The following NCAPG2 variants were observed in gnomAD, a reference collection of about 807,000 sequenced individuals.
The protein encoded by NCAPG2 is condensin-2 complex subunit G2.
In NCAPG2, 53 loss-of-function variants were observed where a neutral mutation model predicts 141.1. The observed-to-expected ratio is 0.38, with a 90% CI of 0.30 to 0.47. The LOEUF (loss-of-function observed/expected upper bound fraction) is 0.47. NCAPG2 is among the 20% of genes least tolerant of loss of function. The pLI, the probability that NCAPG2 is intolerant of heterozygous loss-of-function variation, is 0.99. For missense variants in NCAPG2, 1,087 were observed against 1,389.0 expected, an observed-to-expected ratio of 0.78 and a Z score of 3.46; for synonymous variants, 499 against 490.7, an observed-to-expected ratio of 1.02 and a Z score of -0.22.
At chr7:158,700,394 A>G (rs1835707519) in intron 2 of NCAPG2, among the ~76,000 whole-genome samples, 2 of 152,216 alleles carry the variant, frequency 1.3e-5, no homozygotes. Context: ...TGTGGCCACC[A>G]GTGTGATTTT....
At chr7:158,657,883 T>C (rs1375551599) in intron 17 of NCAPG2, among the ~76,000 whole-genome samples, 1 of 152,076 alleles carries the variant, frequency 6.6e-6, no homozygotes, top group African/African-American at 2.4e-5. Flanking sequence ...AAACATGTGC[T>C]GTGTCCACTC....
Position 158,662,329 on chromosome 7 carries a change from G to A in NCAPG2, c.1854C>T (p.Cys618=), listed in dbSNP as rs1832573614. The change falls in exon 16 of 28, where the codon TGC becomes TGT. Residue 618 remains cysteine, a synonymous_variant. Coordinates refer to ENST00000356309, the MANE Select transcript of NCAPG2 (RefSeq NM_017760.7). ...CAATGATTTCTAGTAAACCTGCCAT[G>A]CATGCAACATCGTTTACTGACAGTG... ...DKTLSVNDVA[C]MAGLLEIIVI... is the part of the protein sequence containing the mutation. 1 of 1,601,500 alleles carries A rather than the reference G, an allele frequency of 6.2e-7. No homozygotes were observed. Among genetic ancestry groups the A allele is most frequent in the African/African-American group, 1.3e-5 (1 of 74,512 alleles).
chr7:158,670,756 TG>T (rs1446724984), intron 13 of NCAPG2, among the ~76,000 whole-genome samples: 3 of 152,180 alleles, frequency 2.0e-5, no homozygotes, highest in Non-Finnish European at 4.4e-5. Context: ...AGTTCCTCCT[TG>T]TTCTTTTCAT....
At chr7:158,694,004 T>C (rs1835284846) in intron 2 of NCAPG2, among the ~76,000 whole-genome samples, 1 of 152,180 alleles carries the variant, frequency 6.6e-6, no homozygotes, top group South Asian at 2.1e-4. Context: ...GCGGCCCTCA[T>C]CAAAAGGGCA....
intron 24 of NCAPG2, among the ~76,000 whole-genome samples, chr7:158,647,142 A>G (rs1831083817): frequency 6.6e-6 from 1 of 152,214 alleles, no homozygotes; most frequent in African/African-American, 2.4e-5. Flanking sequence ...TCTTGTTATC[A>G]TCTACTGTAA....
intron 26 of NCAPG2, among the ~76,000 whole-genome samples, chr7:158,644,883 G>A (rs1046357723): frequency 2.0e-5 from 3 of 152,094 alleles, no homozygotes; most frequent in African/African-American, 4.8e-5. Flanking sequence ...AGGCTTACAG[G>A]GAGAGTTTGT....
At position 158,641,436 on chromosome 7, in the gene NCAPG2, C is replaced by T. The variant is rs1830638212; in HGVS notation, c.3380+2853G>A. ...CACATATAGATAGAAATTACATTAG[C>T]TGGGTCTGGTGGTGTGTGCCTGCAG... On this transcript the variant is annotated intron_variant, in intron 27 of 27. Coordinates refer to ENST00000356309, the MANE Select transcript of NCAPG2 (RefSeq NM_017760.7). 9 of 576,026 alleles carry T rather than the reference C, an allele frequency of 1.6e-5. 1 individual carries two copies. Among genetic ancestry groups the T allele is most frequent in the East Asian group, 3.1e-5 (1 of 32,458 alleles). 35.7% of individuals were successfully genotyped at this position (576,026 alleles called of 1,614,324 possible).
intron 13 of NCAPG2, among the ~76,000 whole-genome samples, chr7:158,668,808 G>T (rs1458037025): frequency 6.6e-6 from 1 of 152,142 alleles, no homozygotes; most frequent in Non-Finnish European, 1.5e-5. Flanking sequence ...GGATGTGCAG[G>T]TTTGTTAAAT....
intron 6 of NCAPG2, among the ~76,000 whole-genome samples, chr7:158,688,506 C>T (rs576268989): frequency 6.6e-6 from 1 of 152,324 alleles, no homozygotes; most frequent in South Asian, 2.1e-4. Context: ...TCAGAACAAT[C>T]CTGGAGACAT....
At chr7:158,651,648 C>T (rs981448036) in intron 23 of NCAPG2, among the ~76,000 whole-genome samples, 1 of 152,134 alleles carries the variant, frequency 6.6e-6, no homozygotes, top group Admixed American at 6.5e-5. Flanking sequence ...ACTGACATGA[C>T]ATTGTTTTTA....
intron 27 of NCAPG2, among the ~76,000 whole-genome samples, chr7:158,639,388 G>A (rs1830490692): frequency 6.6e-6 from 1 of 152,120 alleles, no homozygotes; most frequent in South Asian, 2.1e-4. Flanking sequence ...GATTACAGCT[G>A]TAAGCCACCG....
At chr7:158,698,344 C>A (rs1835582452) in intron 2 of NCAPG2, among the ~76,000 whole-genome samples, 1 of 152,202 alleles carries the variant, frequency 6.6e-6, no homozygotes, top group Admixed American at 6.5e-5. Context: ...CACATTTACT[C>A]ACTACTCAGT....
intron 13 of NCAPG2, among the ~76,000 whole-genome samples, chr7:158,665,643 G>A (rs924246105): frequency 6.6e-6 from 1 of 152,060 alleles, no homozygotes; most frequent in African/African-American, 2.4e-5. Flanking sequence ...CTCAACCTGA[G>A]GTTCCCATCT....
In NCAPG2 at chr7:158,680,067, G is replaced by A. The variant is rs1465445654; in HGVS notation, c.1039C>T (p.Arg347Ter). Reference protein sequence around the residue: ...RGLKARNSEVRSNAALLFVEA... With the variant: ...RGLKARNSEV ...ACAAACAACAATGCAGCATTTGATC[G>A]AACTTCAGAGTTTCTGGCCTATAAT... The change falls in exon 11 of 28, where the codon CGA (arginine) becomes TGA (stop). Residue 347 changes from arginine (R) to a stop codon, truncating the protein, a stop_gained. Coordinates refer to ENST00000356309, the MANE Select transcript of NCAPG2 (RefSeq NM_017760.7). LOFTEE classifies it high-confidence loss of function. 2.5e-6 allele frequency: 4 copies of A among 1,613,568 alleles called. No homozygotes were observed. Among genetic ancestry groups the A allele is most frequent in the African/African-American group, 1.3e-5 (1 of 74,902 alleles).
intron 27 of NCAPG2, among the ~76,000 whole-genome samples, chr7:158,636,497 G>A (rs1830210689): frequency 6.6e-6 from 1 of 151,446 alleles, no homozygotes; most frequent in African/African-American, 2.4e-5. Flanking sequence ...TGCCTTCCGG[G>A]TTCAAGTGAT....
At chr7:158,656,178 C>T in intron 19 of NCAPG2, 82 bp downstream of exon 19, 2 of 1,488,954 alleles carry the variant, frequency 1.3e-6, no homozygotes, top group Middle Eastern at 2.1e-4. Context: ...TTGTATAGCA[C>T]TGTAAATATG....
chr7:158,646,773 A>G (rs1831050019), intron 24 of NCAPG2, among the ~76,000 whole-genome samples: 1 of 152,160 alleles, frequency 6.6e-6, no homozygotes, highest in African/African-American at 2.4e-5. Flanking sequence ...CACACCTGTA[A>G]TCCCAGCGCT....
chr7:158,641,082 CAAAT>C (rs1254060591), intron 27 of NCAPG2: 3 of 148,884 alleles, frequency 2.0e-5, no homozygotes, highest in Non-Finnish European at 4.4e-5. Context: ...AAGATAAAAA[CAAAT>C]AAAAATTCCA....
intron 8 of NCAPG2, among the ~76,000 whole-genome samples, chr7:158,684,593 G>A (rs917622320): frequency 6.6e-6 from 1 of 152,254 alleles, no homozygotes; most frequent in African/African-American, 2.4e-5. Flanking sequence ...ATGTAGAAAT[G>A]AAATGTCAGG....
Sources: gnomAD v4.1 joint callset for allele counts (sites outside exome capture counted in the v4.1 genomes callset) on GRCh38, gnomAD v4.1.1 for gene constraint, MANE v1.5 for transcripts, NCBI Gene and HGNC (gene_info 2026-07-23, HGNC 2026-07-21) for gene names.